The following ADGRL2 variants were observed in gnomAD, a reference collection of about 807,000 sequenced individuals.
ADGRL2 encodes adhesion G protein-coupled receptor L2.
Under a neutral mutation model 157.4 loss-of-function variants are expected in ADGRL2, and 44 were observed. The observed-to-expected ratio is 0.28, with a 90% CI of 0.22 to 0.36. The LOEUF (loss-of-function observed/expected upper bound fraction) is 0.36, where lower values mean the gene tolerates loss of function less well. ADGRL2 is among the 10% of genes least tolerant of loss of function. The pLI is 1.00. For missense variants in ADGRL2, 1,510 were observed against 1,768.9 expected, an observed-to-expected ratio of 0.85 and a Z score of 2.63; for synonymous variants, 585 against 624.7, an observed-to-expected ratio of 0.94 and a Z score of 0.95.
chr1:81,424,295 A>C (rs4633319), intron 1 of ADGRL2, among the ~76,000 whole-genome samples: 2 of 152,134 alleles, frequency 1.3e-5, no homozygotes, highest in Admixed American at 1.3e-4. Flanking sequence ...GGAGGCACGA[A>C]GGAAGTGCAC....
intron 2 of ADGRL2, among the ~76,000 whole-genome samples, chr1:81,768,630 G>A (rs2086231130): frequency 6.6e-6 from 1 of 151,626 alleles, no homozygotes; most frequent in Admixed American, 6.6e-5. Flanking sequence ...CATACCACAT[G>A]CCCAGCTAAT....
At chr1:81,581,218 G>T (rs1455365723) in intron 3 of ADGRL2, among the ~76,000 whole-genome samples, 2 of 152,136 alleles carry the variant, frequency 1.3e-5, no homozygotes, top group Non-Finnish European at 2.9e-5. Context: ...AAGAAAAAAA[G>T]TTTATTCTTG....
Position 81,652,147 on chromosome 1 carries a change from T to TA in ADGRL2, c.-143+71174dup, listed in dbSNP as rs1427315855. On this transcript the variant is annotated intron_variant, in intron 3 of 24. Transcript: ENST00000370721. The stretch of plus-strand genomic sequence containing the variant: ...TGATCTTTGCTATTTGAGAATCCAA[T>TA]AAAAAAACAGCAAGAATATTTAGCA... 2.6e-5 allele frequency among the ~76,000 whole-genome samples: 4 copies of TA among 152,214 alleles called. No individual in the cohort carries two copies. The East Asian group carries it at 5.8e-4, about 22-fold the overall frequency.
chr1:81,688,502 C>T (rs1480861440), intron 3 of ADGRL2, among the ~76,000 whole-genome samples: 1 of 152,032 alleles, frequency 6.6e-6, no homozygotes, highest in African/African-American at 2.4e-5. Context: ...CTAAAAGTGT[C>T]CATAGTTTCC....
At chr1:81,956,862 A>C (rs1420051556) in intron 11 of ADGRL2, among the ~76,000 whole-genome samples, 2 of 152,168 alleles carry the variant, frequency 1.3e-5, no homozygotes, top group African/African-American at 4.8e-5. Context: ...AGGGCAGCAG[A>C]TACTGAATGA....
intron 2 of ADGRL2, among the ~76,000 whole-genome samples, chr1:81,789,692 T>C (rs1486124112): frequency 9.2e-6 from 1 of 108,584 alleles, no homozygotes; most frequent in African/African-American, 3.9e-5. Flanking sequence ...ACAGAGCGAG[T>C]CTCCGTCTCA....
At chr1:81,873,514 G>C (rs2093751916) in intron 2 of ADGRL2, among the ~76,000 whole-genome samples, 1 of 151,950 alleles carries the variant, frequency 6.6e-6, no homozygotes, top group Non-Finnish European at 1.5e-5. Context: ...AGAGTGTATG[G>C]GTAAGAATTA....
chr1:81,790,770 T>A (rs532411091), intron 2 of ADGRL2, among the ~76,000 whole-genome samples: 1 of 152,302 alleles, frequency 6.6e-6, no homozygotes, highest in South Asian at 2.1e-4. Context: ...GTTTCAAAAT[T>A]ACTTCAGTAT....
chr1:81,433,363 C>T (rs1222445534), intron 1 of ADGRL2, among the ~76,000 whole-genome samples: 2 of 152,168 alleles, frequency 1.3e-5, no homozygotes, highest in African/African-American at 2.4e-5. Flanking sequence ...AGGTCATAGA[C>T]AACATAATAC....
intron 1 of ADGRL2, among the ~76,000 whole-genome samples, chr1:81,377,578 G>T (rs1382768185): frequency 2.6e-5 from 4 of 152,048 alleles, no homozygotes; most frequent in Admixed American, 1.3e-4. Flanking sequence ...ATTCATGGAG[G>T]CTTATACTAC....
At chr1:81,412,897 A>T (rs1207860209) in intron 1 of ADGRL2, among the ~76,000 whole-genome samples, 1 of 151,884 alleles carries the variant, frequency 6.6e-6, no homozygotes, top group Admixed American at 6.6e-5. Context: ...TTGAAAAAAA[A>T]TTCAGTCATT....
At chr1:81,972,925 A>AAC (rs1553210813) in intron 17 of ADGRL2, among the ~76,000 whole-genome samples, 36 of 150,174 alleles carry the variant, frequency 2.4e-4, no homozygotes, top group Admixed American at 2.0e-4. Flanking sequence ...AAAAAAAAAA[A>AAC]AACTTGCTCA....
intron 1 of ADGRL2, among the ~76,000 whole-genome samples, chr1:81,391,620 G>A (rs1355775628): frequency 6.8e-6 from 1 of 146,244 alleles, no homozygotes; most frequent in Non-Finnish European, 1.5e-5. Flanking sequence ...ATCTTTAGGT[G>A]CCCTTTGAAC....
chr1:81,942,764 C>G (rs188526676), intron 5 of ADGRL2: 3 of 614,638 alleles, frequency 4.9e-6, no homozygotes, highest in Non-Finnish European at 8.9e-6. Flanking sequence ...TGAAAATAAA[C>G]ATAAACTTCA....
chr1:81,357,504 A>G (rs1663402923), intron 1 of ADGRL2, among the ~76,000 whole-genome samples: 1 of 152,166 alleles, frequency 6.6e-6, no homozygotes, highest in African/African-American at 2.4e-5. Context: ...ATATAACTCA[A>G]TGTTTTTTAC....
intron 23 of ADGRL2, chr1:81,989,567 G>A (rs1376083106): frequency 4.2e-6 from 4 of 960,776 alleles, no homozygotes; most frequent in Non-Finnish European, 6.4e-6. Context: ...AATCTAATTT[G>A]TTGAACCCTT....
At chr1:81,656,851 A>T (rs2082544422) in intron 3 of ADGRL2, among the ~76,000 whole-genome samples, 1 of 151,928 alleles carries the variant, frequency 6.6e-6, no homozygotes. Flanking sequence ...CTCTACAAAA[A>T]ATACAAAAAT....
intron 2 of ADGRL2, among the ~76,000 whole-genome samples, chr1:81,538,903 G>A (rs1423818740): frequency 6.6e-6 from 1 of 151,508 alleles, no homozygotes; most frequent in Non-Finnish European, 1.5e-5. Context: ...AGCTACTTGG[G>A]AGGTTGAGGT....
intron 1 of ADGRL2, among the ~76,000 whole-genome samples, chr1:81,311,892 CAGAAATAT>C (rs1391598722): frequency 2.0e-5 from 3 of 152,012 alleles, no homozygotes; most frequent in Admixed American, 1.3e-4. Flanking sequence ...GAGTAAAATA[CAGAAATAT>C]AGAAGACAGT....
Sources: allele counts gnomAD v4.1 joint callset (sites outside exome capture counted in the v4.1 genomes callset), GRCh38; gene constraint gnomAD v4.1.1; transcripts MANE v1.5; gene names NCBI Gene and HGNC (gene_info 2026-07-23, HGNC 2026-07-21).